The following PGRMC2 variants were observed in gnomAD, a reference collection of about 807,000 sequenced individuals.
PGRMC2 encodes progesterone receptor membrane component 2, also known as membrane-associated progesterone receptor component 2.
Under a neutral mutation model 19.3 loss-of-function variants are expected in PGRMC2, and 9 were observed. The observed-to-expected ratio is 0.47, with a 90% CI of 0.28 to 0.81. PGRMC2 has a LOEUF of 0.81. PGRMC2 is among the 40% of genes least tolerant of loss of function. The pLI is 0.11. For synonymous variants in PGRMC2, 157 were observed against 124.6 expected, an observed-to-expected ratio of 1.26 and a Z score of -1.73; for missense variants, 289 against 297.3, an observed-to-expected ratio of 0.97 and a Z score of 0.21.
rs1760693016 is a variant in PGRMC2 at position 128,269,492 on chromosome 4, C to T, written c.*1824G>A. 1 of 152,136 alleles carries T rather than the reference C, an allele frequency of 6.6e-6. No individual in the cohort carries two copies. The highest frequency in any genetic ancestry group is 2.1e-4 in the South Asian group (1 of 4,824). 9.4% of individuals were successfully genotyped at this position (152,136 alleles called of 1,614,324 possible). ...TAAAAACACAAAGCATTTACCAACA[C>T]TCCACAACCAGTCTTCAGCAAAGAT... On this transcript the variant is annotated 3_prime_UTR_variant, in exon 3 of 3. Transcript: ENST00000296425.
chr4:128,271,370 T>C lies in PGRMC2; in HGVS notation c.618A>G (p.Glu206=). ...YVGRLLKPGE[E]PSEYTDEEDT... is the part of the protein sequence containing the mutation. ...CTTCTTCATCTGTATATTCTGATGG[T>C]TCTTCTCCTGGTTTTAGGAGTCTGC... The change falls in exon 3 of 3, where the codon GAA becomes GAG. Residue 206 remains glutamate (E), a synonymous_variant. Coordinates refer to ENST00000296425, the MANE Select transcript of PGRMC2 (RefSeq NM_006320.6). 1.2e-6 allele frequency: 2 copies of C among 1,607,784 alleles called. No individual in the cohort carries two copies. Among genetic ancestry groups the C allele is most frequent in the African/African-American group, 1.3e-5 (1 of 74,932 alleles).
chr4:128,286,086 G>A (rs1254517054), intron 1 of PGRMC2, among the ~76,000 whole-genome samples: 1 of 141,614 alleles, frequency 7.1e-6, no homozygotes, highest in Non-Finnish European at 1.6e-5. Context: ...GAAATCAGAA[G>A]TATATATTTT....
chr4:128,274,537 A>AAAAAAAAAAAAAG, intron 1 of PGRMC2, among the ~76,000 whole-genome samples: 1 of 128,222 alleles, frequency 7.8e-6, no homozygotes, highest in Non-Finnish European at 1.6e-5. Flanking sequence ...AAAAAAAAAA[A>AAAAAAAAAAAAAG]GGTATTAACC....
chr4:128,271,419 A>G lies in PGRMC2; in HGVS notation c.575-6T>C, dbSNP rs1760727629. On this transcript the variant is annotated splice_polypyrimidine_tract_variant and splice_region_variant and intron_variant, in intron 2 of 2. Transcript: ENST00000296425. ...GCCTACATAATCATATTTTTCTGAAAGATACATCAAAAGAAAATCAGTGGT... is the reference window on the plus strand; with the variant it reads ...GCCTACATAATCATATTTTTCTGAAGGATACATCAAAAGAAAATCAGTGGT... 4.7e-6 allele frequency: 7 copies of G among 1,499,696 alleles called. No homozygotes were observed. Among genetic ancestry groups the G allele is most frequent in the Non-Finnish European group, 5.6e-6 (6 of 1,077,174 alleles). The allele number at this position is 1,499,696 out of a possible 1,614,324, so 92.9% of individuals were successfully genotyped here.
Position 128,272,527 on chromosome 4 carries a change from A to AG in PGRMC2, c.419-11dup. 1 of 1,471,620 alleles carries AG rather than the reference A, an allele frequency of 6.8e-7. No homozygotes were observed. Among genetic ancestry groups the AG allele is most frequent in the Non-Finnish European group, 9.0e-7 (1 of 1,108,594 alleles). 91.2% of individuals were successfully genotyped at this position (1,471,620 alleles called of 1,614,324 possible). A position where few individuals can be genotyped will look rare whatever the true frequency, so the allele number is the denominator to read the frequency against. On this transcript the variant is annotated splice_polypyrimidine_tract_variant and intron_variant, in intron 1 of 2. Coordinates refer to ENST00000296425, the MANE Select transcript of PGRMC2 (RefSeq NM_006320.6). ...ATTCCATATGGACCCGCTGGAAAAA[A>AG]GAAAATAAATTATTTAGATCACCTA...
intron 1 of PGRMC2, among the ~76,000 whole-genome samples, chr4:128,276,434 C>A (rs1167692789): frequency 6.6e-6 from 1 of 152,112 alleles, no homozygotes; most frequent in Non-Finnish European, 1.5e-5. Flanking sequence ...TCCTGCCTCA[C>A]TCAGCCTCCC....
In PGRMC2 at chr4:128,278,086, TAAAGA is replaced by T. The variant is rs1760838948; in HGVS notation, c.419-5574_419-5570del. 2.0e-5 allele frequency among the ~76,000 whole-genome samples: 3 copies of T among 152,086 alleles called. No individual in the cohort carries two copies. In the East Asian group the frequency reaches 5.8e-4, roughly 29 times the overall value. ...TCCAGGGTGCATGGGTAGGCTGGGG[TAAAGA>T]AAAGACAGAAAAATTAAAAGCCCAG... On this transcript the variant is annotated intron_variant, in intron 1 of 2. Coordinates refer to ENST00000296425, the MANE Select transcript of PGRMC2 (RefSeq NM_006320.6).
chr4:128,281,014 A>T (rs1760903290), intron 1 of PGRMC2, among the ~76,000 whole-genome samples: 1 of 152,260 alleles, frequency 6.6e-6, no homozygotes. Context: ...ATAAAAAGTG[A>T]ACCCCAAAGA....
At chr4:128,278,868 C>T (rs1760858208) in intron 1 of PGRMC2, among the ~76,000 whole-genome samples, 1 of 152,122 alleles carries the variant, frequency 6.6e-6, no homozygotes, top group African/African-American at 2.4e-5. Context: ...GGCTGATTTA[C>T]TTTATAAAGA....
chr4:128,275,246 C>G (rs1412360592), intron 1 of PGRMC2, among the ~76,000 whole-genome samples: 1 of 152,098 alleles, frequency 6.6e-6, no homozygotes, highest in Non-Finnish European at 1.5e-5. Context: ...ACTTCAGGCA[C>G]TTCAGAGTAT....
In PGRMC2 at chr4:128,271,210, A is replaced by G; in HGVS notation, c.*106T>C. On this transcript the variant is annotated 3_prime_UTR_variant, in exon 3 of 3. Transcript: ENST00000296425. ...AATTTATCTTGTACACAATTTGTTGAATGTTTTTCGCAGCAGGTGAATCAA... is the reference window on the plus strand; with the variant it reads ...AATTTATCTTGTACACAATTTGTTGGATGTTTTTCGCAGCAGGTGAATCAA... 1 of 564,794 alleles carries G rather than the reference A, an allele frequency of 1.8e-6. No individual in the cohort carries two copies. Among genetic ancestry groups the G allele is most frequent in the Non-Finnish European group, 3.2e-6 (1 of 310,404 alleles). The allele number at this position is 564,794 out of a possible 1,614,324, so 35.0% of individuals were successfully genotyped here. A position where few individuals can be genotyped will look rare whatever the true frequency, so the allele number is the denominator to read the frequency against.
chr4:128,274,708 A>G lies in PGRMC2; in HGVS notation c.419-2191T>C, dbSNP rs141685541. Among the ~76,000 whole-genome samples the G allele has an allele frequency of 7.0e-4, 107 of 152,202 alleles. 1 individual carries two copies. Among genetic ancestry groups the G allele is most frequent in the African/African-American group, 2.3e-3 (97 of 41,540 alleles). On this transcript the variant is annotated intron_variant, in intron 1 of 2. Coordinates refer to ENST00000296425, the MANE Select transcript of PGRMC2 (RefSeq NM_006320.6). ...ACAATGATAAAAAAAATCTATAAAC[A>G]TTATATTTACCCTTAATGCTGACTA... is the stretch of plus-strand genomic sequence containing the variant.
In PGRMC2 at chr4:128,287,777, T is replaced by C. The variant is rs1402154100; in HGVS notation, c.14A>G (p.Asp5Gly). The C allele has an allele frequency of 1.4e-6, 2 of 1,479,238 alleles. No individual in the cohort carries two copies. The highest frequency in any genetic ancestry group is 1.7e-5 in the Admixed American group (1 of 57,246). 91.6% of individuals were successfully genotyped at this position (1,479,238 alleles called of 1,614,324 possible). MAAG[D>G]GDVKLGTLGS... ...CAGGGTGCCTAGCTTCACGTCCCCA[T>C]CACCAGCCGCCATCACTGCCCGCCA... The change falls in exon 1 of 3, where the codon GAT (aspartate) becomes GGT (glycine). Residue 5 changes from aspartate to glycine, a missense_variant. Coordinates refer to ENST00000296425, the MANE Select transcript of PGRMC2 (RefSeq NM_006320.6).
intron 1 of PGRMC2, chr4:128,287,157 C>G (rs755538645): frequency 1.4e-5 from 7 of 499,862 alleles, no homozygotes; most frequent in Non-Finnish European, 2.1e-5. Context: ...ACCGGGGACC[C>G]TGGTTTCGGG....
intron 1 of PGRMC2, among the ~76,000 whole-genome samples, chr4:128,282,186 T>G (rs1407711790): frequency 2.0e-5 from 3 of 152,178 alleles, no homozygotes; most frequent in Non-Finnish European, 4.4e-5. Flanking sequence ...TCTTAAGCTT[T>G]TACTGTAATG....
chr4:128,283,801 G>A (rs1455457067), intron 1 of PGRMC2, among the ~76,000 whole-genome samples: 1 of 151,882 alleles, frequency 6.6e-6, no homozygotes, highest in African/African-American at 2.4e-5. Context: ...GGGATTACAG[G>A]CACCCACCAT....
chr4:128,285,133 TA>T (rs1760964317), intron 1 of PGRMC2, among the ~76,000 whole-genome samples: 1 of 150,300 alleles, frequency 6.7e-6, no homozygotes, highest in African/African-American at 2.5e-5. Context: ...TCTTAATTTT[TA>T]ATTTTTTTTT....
In PGRMC2 at chr4:128,287,374, CG is replaced by C. The variant is rs1455540593; in HGVS notation, c.416del (p.Pro139ArgfsTer22). On this transcript the variant is annotated frameshift_variant and splice_region_variant, in exon 1 of 3. Transcript: ENST00000296425. LOFTEE classifies it high-confidence loss of function. ...DVTKGSKFYG[P>X]AGPYGIFAGR... The stretch of plus-strand genomic sequence containing the variant: ...TCCCCTCCCCTTCCAACTCCTCACC[CG>C]GGCCGTAGAACTTGCTGCCTTTGGT... The C allele has an allele frequency of 6.3e-7, 1 of 1,596,828 alleles. No homozygotes were observed. The highest frequency in any genetic ancestry group is 1.3e-5 in the African/African-American group (1 of 74,416).
chr4:128,277,740 T>G (rs1760834228), intron 1 of PGRMC2, among the ~76,000 whole-genome samples: 1 of 152,172 alleles, frequency 6.6e-6, no homozygotes. Context: ...CTAATAAATT[T>G]TTTTATGCTT....
Sources: allele counts gnomAD v4.1 joint callset (sites outside exome capture counted in the v4.1 genomes callset), GRCh38; gene constraint gnomAD v4.1.1; transcripts MANE v1.5; gene names NCBI Gene and HGNC (gene_info 2026-07-23, HGNC 2026-07-21).